Variants in ANGPT1 observed in about 807,000 individuals in gnomAD.
The protein encoded by ANGPT1 is angiopoietin 1.
ANGPT1 carries 17 observed loss-of-function variants against 62.2 expected under a neutral mutation model. The observed-to-expected ratio is 0.27, with a 90% confidence interval of 0.19 to 0.41. The LOEUF (loss-of-function observed/expected upper bound fraction) is 0.41. Among genes scored for constraint, ANGPT1 ranks in the 10% least tolerant of loss-of-function variants. ANGPT1 has a pLI of 1.00. For synonymous variants in ANGPT1, 199 were observed against 198.9 expected, an observed-to-expected ratio of 1.00 and a Z score of 0.00; for missense variants, 478 against 594.9, an observed-to-expected ratio of 0.80 and a Z score of 2.04.
chr8:107,364,842 C>T (rs1345739226), intron 1 of ANGPT1, among the ~76,000 whole-genome samples: 1 of 152,134 alleles, frequency 6.6e-6, no homozygotes, highest in African/African-American at 2.4e-5. Flanking sequence ...GAATAGACCA[C>T]AAAGTGCTAG....
chr8:107,273,730 T>TAATCTC (rs1813793529), intron 7 of ANGPT1, among the ~76,000 whole-genome samples: 4 of 152,006 alleles, frequency 2.6e-5, no homozygotes, highest in Admixed American at 2.0e-4. Context: ...CAGTCCCATT[T>TAATCTC]AATCTCCTCC....
At chr8:107,323,775 T>C (rs1815212250) in intron 3 of ANGPT1, among the ~76,000 whole-genome samples, 1 of 151,848 alleles carries the variant, frequency 6.6e-6, no homozygotes, top group South Asian at 2.1e-4. Context: ...GTTGTTGTTG[T>C]TTGTTTGTTT....
intron 3 of ANGPT1, among the ~76,000 whole-genome samples, chr8:107,329,065 AC>A: frequency 6.6e-6 from 1 of 151,960 alleles, no homozygotes; most frequent in Admixed American, 6.6e-5. Context: ...AGTAGAAAAA[AC>A]CCCAATGATA....
intron 2 of ANGPT1, among the ~76,000 whole-genome samples, chr8:107,337,820 T>C (rs747215777): frequency 9.9e-5 from 15 of 152,064 alleles, no homozygotes; most frequent in South Asian, 2.1e-4. Context: ...CAGGGCCAGG[T>C]GTGGTGGCTC....
intron 3 of ANGPT1, among the ~76,000 whole-genome samples, chr8:107,324,229 G>A (rs1382553745): frequency 7.2e-6 from 1 of 138,634 alleles, no homozygotes; most frequent in Non-Finnish European, 1.5e-5. Context: ...GTGTGTGTGT[G>A]TGTGTGTGAA....
intron 1 of ANGPT1, among the ~76,000 whole-genome samples, chr8:107,473,533 C>T (rs999828096): frequency 3.3e-5 from 5 of 151,984 alleles, no homozygotes; most frequent in African/African-American, 1.2e-4. Flanking sequence ...CTCAGACAGA[C>T]TCTTAGTACT....
chr8:107,290,125 C>CA (rs950599823), intron 6 of ANGPT1, among the ~76,000 whole-genome samples: 11 of 151,864 alleles, frequency 7.2e-5, no homozygotes, highest in Admixed American at 2.0e-4. Flanking sequence ...GCCGAGAATC[C>CA]AAAAAGTGGT....
intron 1 of ANGPT1, among the ~76,000 whole-genome samples, chr8:107,453,013 C>G (rs1023760299): frequency 5.3e-5 from 8 of 151,976 alleles, no homozygotes; most frequent in African/African-American, 1.9e-4. Context: ...TTCACTATAA[C>G]TTTACATCCA....
chr8:107,471,235 G>A (rs745566814), intron 1 of ANGPT1, among the ~76,000 whole-genome samples: 9 of 152,146 alleles, frequency 5.9e-5, no homozygotes, highest in African/African-American at 9.7e-5. Flanking sequence ...ATGAGCTCAT[G>A]TCCTTTGCAG....
At chr8:107,427,862 A>G (rs1213261737) in intron 1 of ANGPT1, among the ~76,000 whole-genome samples, 1 of 152,232 alleles carries the variant, frequency 6.6e-6, no homozygotes, top group African/African-American at 2.4e-5. Context: ...TTTCTGGGGA[A>G]GACACAGCTC....
chr8:107,463,063 G>A (rs893624135), intron 1 of ANGPT1, among the ~76,000 whole-genome samples: 1 of 152,074 alleles, frequency 6.6e-6, no homozygotes, highest in Non-Finnish European at 1.5e-5. Context: ...TCAATAAACT[G>A]GTAAAGTTGA....
intron 1 of ANGPT1, among the ~76,000 whole-genome samples, chr8:107,363,415 C>A (rs1816208459): frequency 6.6e-6 from 1 of 152,142 alleles, no homozygotes; most frequent in South Asian, 2.1e-4. Flanking sequence ...ATACTAGCCA[C>A]CATATTATTG....
At chr8:107,343,600 G>T (rs535706504) in intron 2 of ANGPT1, among the ~76,000 whole-genome samples, 62 of 152,242 alleles carry the variant, frequency 4.1e-4, no homozygotes, top group African/African-American at 1.4e-3. Context: ...AGATTGGAAA[G>T]GTACATCTTT....
chr8:107,299,413 AT>A lies in ANGPT1; in HGVS notation c.936+3826del, dbSNP rs1814501718. ...AGTGTATATATATATATATATATAT[AT>A]ATATATAAACATACATATATATACT... On this transcript the variant is annotated intron_variant, in intron 5 of 8. Coordinates refer to ENST00000517746, the MANE Select transcript of ANGPT1 (RefSeq NM_001146.5). Among the ~76,000 whole-genome samples the A allele has an allele frequency of 2.1e-5, 3 of 142,720 alleles. No homozygotes were observed. In the South Asian group the frequency reaches 6.6e-4, roughly 31 times the overall value. 93.6% of individuals were successfully genotyped at this position (142,720 alleles called of 152,430 possible).
At chr8:107,448,537 G>A (rs556901293) in intron 1 of ANGPT1, among the ~76,000 whole-genome samples, 45 of 152,178 alleles carry the variant, frequency 3.0e-4, no homozygotes, top group Non-Finnish European at 5.7e-4. Context: ...CTGCTCTTAC[G>A]GTGTATGTTT....
chr8:107,284,140 G>T (rs2130133215), intron 7 of ANGPT1: 1 of 152,156 alleles, frequency 6.6e-6, no homozygotes, highest in East Asian at 1.9e-4. Flanking sequence ...GTATATTGAT[G>T]CCATTATTAC....
chr8:107,331,876 C>T (rs930252336), intron 3 of ANGPT1, among the ~76,000 whole-genome samples: 15 of 152,192 alleles, frequency 9.9e-5, no homozygotes, highest in African/African-American at 3.4e-4. Context: ...CCGTGTGCTC[C>T]GTCTTTGTAT....
chr8:107,352,566 A>T (rs1815956180), intron 1 of ANGPT1, among the ~76,000 whole-genome samples: 1 of 152,114 alleles, frequency 6.6e-6, no homozygotes, highest in Non-Finnish European at 1.5e-5. Flanking sequence ...AGATTATGAC[A>T]TGTCTTGTAT....
intron 2 of ANGPT1, among the ~76,000 whole-genome samples, chr8:107,340,018 C>T (rs1815660513): frequency 6.6e-6 from 1 of 152,188 alleles, no homozygotes; most frequent in African/African-American, 2.4e-5. Context: ...TGCTTTATTT[C>T]AACTCTCTCC....
Sources: gnomAD v4.1 joint callset for allele counts (sites outside exome capture counted in the v4.1 genomes callset) on GRCh38, gnomAD v4.1.1 for gene constraint, MANE v1.5 for transcripts, NCBI Gene and HGNC (gene_info 2026-07-23, HGNC 2026-07-21) for gene names.